Variants in IER3IP1 observed in about 807,000 individuals in gnomAD.
The protein encoded by IER3IP1 is immediate early response 3 interacting protein 1.
A neutral mutation model predicts 12.2 loss-of-function variants in IER3IP1; 16 were observed. The observed-to-expected ratio is 1.31, with a 90% CI of 0.89 to 1.99. IER3IP1 has a LOEUF of 1.99. IER3IP1 is among the 30% of genes most tolerant of loss of function. The pLI is 0.00. For missense variants in IER3IP1, 95 were observed against 95.8 expected (o/e 0.99, Z 0.03); for synonymous variants, 42 against 40.0 (o/e 1.05, Z -0.19).
intron 2 of IER3IP1, among the ~76,000 whole-genome samples, chr18:47,156,704 T>C (rs1052436847): frequency 2.2e-4 from 34 of 152,198 alleles, no homozygotes; most frequent in African/African-American, 8.2e-4. Context: ...AAAAGATTTT[T>C]GAACTCTTTT....
intron 1 of IER3IP1, among the ~76,000 whole-genome samples, chr18:47,167,023 A>G (rs2062693630): frequency 6.6e-6 from 1 of 151,454 alleles, no homozygotes; most frequent in East Asian, 1.9e-4. Flanking sequence ...AAGTATTAAT[A>G]TTTCTGGGCC....
At chr18:47,175,916 C>T (rs2064031583) in intron 1 of IER3IP1, among the ~76,000 whole-genome samples, 1 of 152,026 alleles carries the variant, frequency 6.6e-6, no homozygotes, top group African/African-American at 2.4e-5. Flanking sequence ...AAATTACTGA[C>T]CTGAAGTAAT....
Position 47,154,892 on chromosome 18 carries a change from A to C in IER3IP1, c.*1285T>G, listed in dbSNP as rs1280773546. The stretch of plus-strand genomic sequence containing the variant: ...GTCAGCAATTCAGTTAATTCACTGA[A>C]GAAAAAAAAATACATGTAAATATTT... On this transcript the variant is annotated 3_prime_UTR_variant, in exon 3 of 3. Coordinates refer to ENST00000256433, the MANE Select transcript of IER3IP1 (RefSeq NM_016097.5). The C allele has an allele frequency of 6.6e-6, 1 of 152,176 alleles. No individual in the cohort carries two copies. Among genetic ancestry groups the C allele is most frequent in the African/African-American group, 2.4e-5 (1 of 41,426 alleles). The allele number at this position is 152,176 out of a possible 1,614,324, so 9.4% of individuals were successfully genotyped here. A position where few individuals can be genotyped will look rare whatever the true frequency, so the allele number is the denominator to read the frequency against.
At chr18:47,166,644 A>G (rs1240666847) in intron 1 of IER3IP1, among the ~76,000 whole-genome samples, 1 of 152,208 alleles carries the variant, frequency 6.6e-6, no homozygotes. Flanking sequence ...AAGAATTTCA[A>G]ACCACTGAAG....
At chr18:47,167,348 G>A (rs1194513070) in intron 1 of IER3IP1, among the ~76,000 whole-genome samples, 1 of 152,038 alleles carries the variant, frequency 6.6e-6, no homozygotes, top group Non-Finnish European at 1.5e-5. Context: ...AATGCACCCG[G>A]CCCCCTGTAC....
intron 1 of IER3IP1, among the ~76,000 whole-genome samples, chr18:47,167,773 AT>A (rs2064000690): frequency 6.6e-6 from 1 of 152,190 alleles, no homozygotes; most frequent in Non-Finnish European, 1.5e-5. Flanking sequence ...AGAACCAAGT[AT>A]TTCTCTTATA....
chr18:47,155,100 T>C lies in IER3IP1; in HGVS notation c.*1077A>G, dbSNP rs946385183. The C allele has an allele frequency of 6.6e-6, 1 of 152,246 alleles. No homozygotes were observed. The highest frequency in any genetic ancestry group is 1.5e-5 in the Non-Finnish European group (1 of 68,042). The allele number at this position is 152,246 out of a possible 1,614,324, so 9.4% of individuals were successfully genotyped here. A position where few individuals can be genotyped will look rare whatever the true frequency, so the allele number is the denominator to read the frequency against. The stretch of plus-strand genomic sequence containing the variant: ...TCTCCTATAAACAAAGATGCCATTC[T>C]ACACCTTTAAAATATTGTAACTGAT... On this transcript the variant is annotated 3_prime_UTR_variant, in exon 3 of 3. Coordinates refer to ENST00000256433, the MANE Select transcript of IER3IP1 (RefSeq NM_016097.5).
chr18:47,176,336 T>G lies in IER3IP1; in HGVS notation c.-59A>C. 1 of 1,469,768 alleles carries G rather than the reference T, an allele frequency of 6.8e-7. No homozygotes were observed. The allele number at this position is 1,469,768 out of a possible 1,614,324, so 91.0% of individuals were successfully genotyped here. On this transcript the variant is annotated 5_prime_UTR_variant, in exon 1 of 3. Transcript: ENST00000256433. ...TTCTCTCCCGCCGCCGCAAGGGACG[T>G]GGCGCCTCCACGGCCGGCGCCTTCC...
At position 47,155,429 on chromosome 18, in the gene IER3IP1, T is replaced by C. The variant is rs2063954964; in HGVS notation, c.*748A>G. The C allele has an allele frequency of 6.6e-6, 1 of 151,796 alleles. No homozygotes were observed. The highest frequency in any genetic ancestry group is 2.1e-4 in the South Asian group (1 of 4,824). 9.4% of individuals were successfully genotyped at this position (151,796 alleles called of 1,614,324 possible). A position where few individuals can be genotyped will look rare whatever the true frequency, so the allele number is the denominator to read the frequency against. ...TGCTCTTGTGGGCTAATATTTACGC[T>C]GTTGTTTTTTTTAAATCATCATTGT... On this transcript the variant is annotated 3_prime_UTR_variant, in exon 3 of 3. Coordinates refer to ENST00000256433, the MANE Select transcript of IER3IP1 (RefSeq NM_016097.5).
chr18:47,163,158 A>C (rs956458187), intron 1 of IER3IP1, among the ~76,000 whole-genome samples: 1 of 152,214 alleles, frequency 6.6e-6, no homozygotes, highest in African/African-American at 2.4e-5. Context: ...ACATAGTAAG[A>C]GATTAATAAC....
chr18:47,166,087 C>T (rs945635998), intron 1 of IER3IP1, among the ~76,000 whole-genome samples: 1 of 152,158 alleles, frequency 6.6e-6, no homozygotes, highest in African/African-American at 2.4e-5. Flanking sequence ...TATCAAAATC[C>T]ACTTCATTAT....
rs2063991058 is a variant in IER3IP1, at chr18:47,164,808, G to A, written c.92-7271C>T. ...AAAAAAAACAAGAGAGAGAGAGAGA[G>A]ATTTAATTCTCTGGCTTTCTTGTCA... On this transcript the variant is annotated intron_variant, in intron 1 of 2. Transcript: ENST00000256433. 4.0e-5 allele frequency among the ~76,000 whole-genome samples: 6 copies of A among 151,838 alleles called. No homozygotes were observed. In the South Asian group the frequency reaches 1.2e-3, roughly 32 times the overall value.
intron 1 of IER3IP1, among the ~76,000 whole-genome samples, chr18:47,174,714 C>G (rs1218135981): frequency 6.6e-6 from 1 of 151,856 alleles, no homozygotes; most frequent in Non-Finnish European, 1.5e-5. Flanking sequence ...GCTTTCCCTT[C>G]CAATCTTTCC....
chr18:47,156,662 G>A (rs1417022498), intron 2 of IER3IP1, among the ~76,000 whole-genome samples: 1 of 152,152 alleles, frequency 6.6e-6, no homozygotes, highest in South Asian at 2.1e-4. Flanking sequence ...TGAGTAAAGG[G>A]AGAAGAGGTA....
Position 47,154,249 on chromosome 18 carries a change from G to A in IER3IP1, c.*1928C>T, listed in dbSNP as rs959027173. On this transcript the variant is annotated 3_prime_UTR_variant, in exon 3 of 3. Coordinates refer to ENST00000256433, the MANE Select transcript of IER3IP1 (RefSeq NM_016097.5). Reference sequence around the variant, plus strand: ...TGTTTACTGAATCACAACTGCTCTGGGGAAACCAGGGCTGACCAGTGAAAG... The same window carrying A: ...TGTTTACTGAATCACAACTGCTCTGAGGAAACCAGGGCTGACCAGTGAAAG... 1 of 152,154 alleles carries A rather than the reference G, an allele frequency of 6.6e-6. No individual in the cohort carries two copies. Among genetic ancestry groups the A allele is most frequent in the East Asian group, 1.9e-4 (1 of 5,192 alleles). The allele number at this position is 152,154 out of a possible 1,614,324, so 9.4% of individuals were successfully genotyped here.
chr18:47,174,980 C>A (rs1039897685), intron 1 of IER3IP1, among the ~76,000 whole-genome samples: 1 of 152,202 alleles, frequency 6.6e-6, no homozygotes, highest in African/African-American at 2.4e-5. Flanking sequence ...ACTTCTCTTA[C>A]ATAATACTCT....
At chr18:47,171,213 A>G (rs1178438801) in intron 1 of IER3IP1, among the ~76,000 whole-genome samples, 2 of 152,218 alleles carry the variant, frequency 1.3e-5, no homozygotes, top group East Asian at 3.8e-4. Flanking sequence ...CTCCCAAGAT[A>G]AATCAAATCC....
At chr18:47,173,490 G>C (rs927062900) in intron 1 of IER3IP1, among the ~76,000 whole-genome samples, 72 of 151,900 alleles carry the variant, frequency 4.7e-4, no homozygotes, top group African/African-American at 1.7e-3. Context: ...GATTACAGGC[G>C]CCCACCACCA....
chr18:47,176,131 A>ACGCGGCCCCATTAGGTTC, intron 1 of IER3IP1, 56 bp downstream of exon 1: 2 of 1,448,180 alleles, frequency 1.4e-6, no homozygotes. Flanking sequence ...CCATTAGGTT[A>ACGCGGCCCCATTAGGTTC]CGCGCCCCCG....
Sources: allele counts gnomAD v4.1 joint callset (sites outside exome capture counted in the v4.1 genomes callset), GRCh38; gene constraint gnomAD v4.1.1; transcripts MANE v1.5; gene names NCBI Gene and HGNC (gene_info 2026-07-23, HGNC 2026-07-21).